MPHOSPH9: variants seen among roughly 807,000 people sequenced by gnomAD.
MPHOSPH9 encodes M-phase phosphoprotein 9.
MPHOSPH9 carries 88 observed loss-of-function variants against 145.5 expected under a neutral mutation model. The ratio of observed to expected loss-of-function variants is 0.60; its 90% CI spans 0.51 to 0.72. The LOEUF (loss-of-function observed/expected upper bound fraction) is 0.72. Among genes scored for constraint, MPHOSPH9 ranks in the 30% least tolerant of loss-of-function variants. The pLI, the probability that MPHOSPH9 is intolerant of heterozygous loss-of-function variation, is 0.00. For missense variants in MPHOSPH9, 1,238 were observed against 1,386.6 expected (o/e 0.89, Z 1.70); for synonymous variants, 435 against 486.2 (o/e 0.89, Z 1.39).
At chr12:123,239,479 C>T (rs541372814) in intron 1 of MPHOSPH9, among the ~76,000 whole-genome samples, 45 of 152,120 alleles carry the variant, frequency 3.0e-4, no homozygotes, top group African/African-American at 1.1e-3. Flanking sequence ...CTCGGCTCAC[C>T]GCAATCTCCA....
At chr12:123,179,038 T>C (rs1272346063) in intron 15 of MPHOSPH9, among the ~76,000 whole-genome samples, 1 of 152,210 alleles carries the variant, frequency 6.6e-6, no homozygotes, top group Non-Finnish European at 1.5e-5. Flanking sequence ...TGGTTAAATA[T>C]CATTTGGATT....
chr12:123,196,556 C>T (rs1311728050), intron 12 of MPHOSPH9, among the ~76,000 whole-genome samples: 3 of 151,876 alleles, frequency 2.0e-5, no homozygotes, highest in African/African-American at 4.8e-5. Flanking sequence ...AATGACATAA[C>T]AAAGGTCTTT....
At chr12:123,197,656 C>CCG (rs572426802) in intron 12 of MPHOSPH9, among the ~76,000 whole-genome samples, 229 of 152,052 alleles carry the variant, frequency 1.5e-3, no homozygotes, top group African/African-American at 5.1e-3. Flanking sequence ...GTGGCATGCA[C>CCG]CTGTAGTCCC....
At chr12:123,174,479 T>C (rs1228838444) in intron 16 of MPHOSPH9, among the ~76,000 whole-genome samples, 4 of 151,678 alleles carry the variant, frequency 2.6e-5, no homozygotes, top group Non-Finnish European at 5.9e-5. Context: ...TTCACGCCAT[T>C]CTCCTGCCTC....
chr12:123,236,189 T>G (rs1001345851), upstream of MPHOSPH9, among the ~76,000 whole-genome samples: 3 of 152,204 alleles, frequency 2.0e-5, no homozygotes, highest in African/African-American at 7.2e-5. Context: ...AAGGATAATT[T>G]AGTTTCAAAA....
At chr12:123,235,363 AGTC>A (rs2047828712), upstream of MPHOSPH9, among the ~76,000 whole-genome samples, 1 of 152,062 alleles carries the variant, frequency 6.6e-6, no homozygotes, top group Admixed American at 6.6e-5. Flanking sequence ...AAATGAGAGG[AGTC>A]GTCAAATACA....
At position 123,159,300 on chromosome 12, in the gene MPHOSPH9, A is replaced by C. The variant is rs1247697904; in HGVS notation, c.3450+1481T>G. Among the ~76,000 whole-genome samples, 1 of 152,048 alleles carries C rather than the reference A, an allele frequency of 6.6e-6. No homozygotes were observed. The highest frequency in any genetic ancestry group is 1.5e-5 in the Non-Finnish European group (1 of 67,990). On this transcript the variant is annotated intron_variant, in intron 23 of 23. Coordinates refer to ENST00000606320, the MANE Select transcript of MPHOSPH9 (RefSeq NM_022782.4). This position sits in a 1 kb window ranked among gnomAD's most constrained non-coding sequence, Gnocchi z 4.3. ...TGCCTCAGCCTCCCGAGTAGCTAGG[A>C]CTGCAGGCGTGCACTACCACGCCTG...
intron 19 of MPHOSPH9, 34 bp from the exon 20 acceptor site, chr12:123,163,168 C>T (rs201492545): frequency 4.9e-5 from 76 of 1,544,452 alleles, no homozygotes; most frequent in Non-Finnish European, 6.1e-5. Flanking sequence ...ATATTCTTTT[C>T]CTTCTATATG....
intron 3 of MPHOSPH9, among the ~76,000 whole-genome samples, chr12:123,224,129 CA>C (rs1284334313): frequency 4.1e-5 from 5 of 122,602 alleles, no homozygotes; most frequent in African/African-American, 1.3e-4. Context: ...TATATATACA[CA>C]TTTTTTTTTT....
At chr12:123,191,317 G>A (rs574401428) in intron 13 of MPHOSPH9, among the ~76,000 whole-genome samples, 68 of 151,952 alleles carry the variant, frequency 4.5e-4, no homozygotes, top group African/African-American at 1.5e-3. Context: ...ATGAAACTTC[G>A]TCTCCAAAAA....
intron 15 of MPHOSPH9, among the ~76,000 whole-genome samples, chr12:123,178,016 A>G (rs762185073): frequency 3.3e-5 from 5 of 152,230 alleles, no homozygotes; most frequent in Non-Finnish European, 7.3e-5. Flanking sequence ...TGACTATTTT[A>G]AAGATATCCT....
At chr12:123,173,029 C>A (rs2138008423) in intron 16 of MPHOSPH9, among the ~76,000 whole-genome samples, 1 of 151,950 alleles carries the variant, frequency 6.6e-6, no homozygotes, top group Middle Eastern at 3.4e-3. Flanking sequence ...GCCTGCACCA[C>A]TATGCCTGGC....
rs781613115 is a variant in MPHOSPH9, at chr12:123,164,110, A to G, written c.2768-20T>C. On this transcript the variant is annotated intron_variant, in intron 18 of 23. Transcript: ENST00000606320. ...GATTTACTACAGCAGACCAAAAAAA[A>G]GCAAAACAAAAAACAAATCAAAACA... 6 of 1,613,350 alleles carry G rather than the reference A, an allele frequency of 3.7e-6. No individual in the cohort carries two copies. The East Asian group carries it at 6.7e-5, about 18-fold the overall frequency.
chr12:123,166,894 C>T (rs532675755), intron 16 of MPHOSPH9, 105 bp from the exon 17 acceptor site: 9 of 1,172,950 alleles, frequency 7.7e-6, no homozygotes, highest in African/African-American at 6.4e-5. Flanking sequence ...CACATTTGTA[C>T]ACTAATTTAA....
intron 18 of MPHOSPH9, among the ~76,000 whole-genome samples, chr12:123,165,015 C>CAAAAA (rs35219995): frequency 5.1e-4 from 42 of 82,964 alleles, no homozygotes; most frequent in East Asian, 7.0e-4. Flanking sequence ...CTCACTGTCT[C>CAAAAA]AAAAAAAAAA....
chr12:123,228,496 T>C (rs905517685), intron 2 of MPHOSPH9, among the ~76,000 whole-genome samples: 1 of 152,180 alleles, frequency 6.6e-6, no homozygotes, highest in African/African-American at 2.4e-5. Flanking sequence ...AAGACTGTCC[T>C]GGCCAACATG....
intron 3 of MPHOSPH9, chr12:123,226,328 CT>C: frequency 8.6e-7 from 1 of 1,168,070 alleles, no homozygotes; most frequent in South Asian, 1.7e-5. Context: ...ACCAGGTAAT[CT>C]TTCATTTCGC....
chr12:123,234,549 C>G (rs1176332836), upstream of MPHOSPH9, among the ~76,000 whole-genome samples: 2 of 152,052 alleles, frequency 1.3e-5, no homozygotes, highest in Non-Finnish European at 2.9e-5. Context: ...GTGCCCGCCA[C>G]CACATCCGGC....
At chr12:123,226,726 T>C (rs2047452811) in intron 3 of MPHOSPH9, among the ~76,000 whole-genome samples, 1 of 152,026 alleles carries the variant, frequency 6.6e-6, no homozygotes, top group Non-Finnish European at 1.5e-5. Flanking sequence ...CTTCCTGGGT[T>C]GAAGTGATCC....
Sources: allele counts gnomAD v4.1 joint callset (sites outside exome capture counted in the v4.1 genomes callset), GRCh38; gene constraint gnomAD v4.1.1; non-coding constraint Gnocchi (gnomAD v3.1); transcripts MANE v1.5; gene names NCBI Gene and HGNC (gene_info 2026-07-23, HGNC 2026-07-21).